GNA14: variants seen among roughly 807,000 people sequenced by gnomAD.
GNA14 encodes guanine nucleotide-binding protein subunit alpha-14.
In GNA14, 50 loss-of-function variants were observed where a neutral mutation model predicts 42.0. The ratio of observed to expected loss-of-function variants is 1.19; its 90% CI spans 0.95 to 1.51. GNA14 has a LOEUF of 1.51. Ranked by LOEUF, GNA14 falls within the 40% of genes most tolerant of loss-of-function variation. The pLI is 0.00. For missense variants in GNA14, 473 were observed against 446.2 expected (o/e 1.06, Z -0.54); for synonymous variants, 173 against 163.1 (o/e 1.06, Z -0.46).
At chr9:77,437,003 G>A (rs552924292) in intron 2 of GNA14, among the ~76,000 whole-genome samples, 18 of 152,292 alleles carry the variant, frequency 1.2e-4, no homozygotes, top group Admixed American at 4.6e-4. Context: ...CTCAGGCAAC[G>A]CTTGGCCAAT....
At chr9:77,560,389 A>C (rs1300466801) in intron 1 of GNA14, among the ~76,000 whole-genome samples, 1 of 150,784 alleles carries the variant, frequency 6.6e-6, no homozygotes, top group Non-Finnish European at 1.5e-5. Flanking sequence ...CCCAGGCTTA[A>C]GTGATCCTCC....
Position 77,647,837 on chromosome 9 carries a change from C to G in GNA14, c.-44G>C. On this transcript the variant is annotated 5_prime_UTR_variant, in exon 1 of 7. Transcript: ENST00000341700. ...CCCGACGGGGCGACGCGGCCCCGGG[C>G]ACCCGAATCCTCGGCCCGGCCGCTC... 3 of 1,583,720 alleles carry G rather than the reference C, an allele frequency of 1.9e-6. No individual in the cohort carries two copies. The highest frequency in any genetic ancestry group is 2.6e-6 in the Non-Finnish European group (3 of 1,169,632).
intron 2 of GNA14, among the ~76,000 whole-genome samples, chr9:77,472,408 C>T (rs1283166087): frequency 1.3e-5 from 2 of 151,954 alleles, no homozygotes; most frequent in Non-Finnish European, 1.5e-5. Context: ...AAGAAATGTC[C>T]TGGAGGTTCT....
chr9:77,552,930 A>G (rs1019763825), intron 1 of GNA14, among the ~76,000 whole-genome samples: 6 of 152,210 alleles, frequency 3.9e-5, no homozygotes, highest in African/African-American at 1.4e-4. Context: ...TGCCAGGAGA[A>G]AAGTGAACAT....
At chr9:77,486,046 T>C (rs529971174) in intron 2 of GNA14, among the ~76,000 whole-genome samples, 2 of 152,326 alleles carry the variant, frequency 1.3e-5, no homozygotes, top group East Asian at 1.9e-4. Flanking sequence ...AACCCAGGCA[T>C]TGACTTCTCT....
At chr9:77,581,032 ACACAC>A (rs1419316091) in intron 1 of GNA14, among the ~76,000 whole-genome samples, 1 of 150,766 alleles carries the variant, frequency 6.6e-6, no homozygotes, top group Non-Finnish European at 1.5e-5. Flanking sequence ...ACACACACAC[ACACAC>A]AATAGTACCC....
intron 1 of GNA14, among the ~76,000 whole-genome samples, chr9:77,647,281 G>A (rs1294351625): frequency 6.6e-6 from 1 of 152,204 alleles, no homozygotes; most frequent in African/African-American, 2.4e-5. Flanking sequence ...AACTGAAAGC[G>A]TACGGGTCAG....
chr9:77,478,817 T>G (rs537693631), intron 2 of GNA14, among the ~76,000 whole-genome samples: 102 of 152,332 alleles, frequency 6.7e-4, no homozygotes, highest in African/African-American at 2.2e-3. Flanking sequence ...TTGGCTGCAT[T>G]AATGTCTTTT....
intron 3 of GNA14, among the ~76,000 whole-genome samples, chr9:77,433,499 G>A (rs1051883254): frequency 4.0e-5 from 6 of 151,686 alleles, no homozygotes; most frequent in South Asian, 2.1e-4. Flanking sequence ...ACATCCTCCC[G>A]CCTCAGCCTC....
At chr9:77,582,073 A>G (rs910639436) in intron 1 of GNA14, among the ~76,000 whole-genome samples, 2 of 152,064 alleles carry the variant, frequency 1.3e-5, no homozygotes, top group East Asian at 1.9e-4. Flanking sequence ...TTTTTTCTCC[A>G]TTTTCATTTT....
intron 2 of GNA14, among the ~76,000 whole-genome samples, chr9:77,447,051 C>G (rs1400717248): frequency 1.3e-5 from 2 of 151,800 alleles, no homozygotes; most frequent in Non-Finnish European, 2.9e-5. Flanking sequence ...GCAACCTCTG[C>G]CTCCCGGGTT....
rs147709559 is a variant in GNA14, at chr9:77,529,198, C to T, written c.180G>A (p.Gly60=). ...TTCTGTCTTCGTCGCTGTAACCAGA[C>T]CCATGGATAATTCTCATCTGCTTGA... The part of the protein sequence containing the change: ...TFIKQMRIIH[G]SGYSDEDRKG... The change falls in exon 2 of 7, where the codon GGG becomes GGA. Residue 60 remains glycine (G), a synonymous_variant. Coordinates refer to ENST00000341700, the MANE Select transcript of GNA14 (RefSeq NM_004297.4). 468 of 1,613,972 alleles carry T rather than the reference C, an allele frequency of 2.9e-4. No homozygotes were observed. In the Admixed American group the frequency reaches 3.2e-3, roughly 11 times the overall value.
rs144382711 is a variant in GNA14, at chr9:77,451,111, C to T, written c.310-16589G>A. ...GTATAGTGTGACCATAAGAATGTGACGGCCCTATGGGGAACATACGTGTGT... is the reference window on the plus strand; with the variant it reads ...GTATAGTGTGACCATAAGAATGTGATGGCCCTATGGGGAACATACGTGTGT... On this transcript the variant is annotated intron_variant, in intron 2 of 6. Coordinates refer to ENST00000341700, the MANE Select transcript of GNA14 (RefSeq NM_004297.4). 5.3e-3 allele frequency among the ~76,000 whole-genome samples: 811 copies of T among 152,206 alleles called. 9 individuals carry two copies. Among genetic ancestry groups the T allele is most frequent in the African/African-American group, 0.018 (760 of 41,504 alleles).
At chr9:77,499,304 A>AAATC (rs1363074346) in intron 2 of GNA14, among the ~76,000 whole-genome samples, 1 of 152,152 alleles carries the variant, frequency 6.6e-6, no homozygotes, top group East Asian at 1.9e-4. Flanking sequence ...TAACAGCAGA[A>AAATC]TGATTAAGAA....
intron 1 of GNA14, among the ~76,000 whole-genome samples, chr9:77,564,272 C>T (rs1458839636): frequency 1.4e-5 from 2 of 144,192 alleles, no homozygotes; most frequent in African/African-American, 2.5e-5. Context: ...AATTGATCTG[C>T]AGAAAAGTCC....
At chr9:77,513,856 G>A (rs770689404) in intron 2 of GNA14, among the ~76,000 whole-genome samples, 2 of 152,142 alleles carry the variant, frequency 1.3e-5, no homozygotes, top group Non-Finnish European at 2.9e-5. Flanking sequence ...TTTGCTGTTT[G>A]GTCTTATCCT....
At chr9:77,634,066 C>G (rs1824139747) in intron 1 of GNA14, among the ~76,000 whole-genome samples, 8 of 152,148 alleles carry the variant, frequency 5.3e-5, no homozygotes, top group Admixed American at 5.2e-4. Context: ...ACAAATTTCT[C>G]AACTGTAGTT....
chr9:77,600,424 C>G (rs1449698070), intron 1 of GNA14, among the ~76,000 whole-genome samples: 1 of 152,138 alleles, frequency 6.6e-6, no homozygotes, highest in African/African-American at 2.4e-5. Flanking sequence ...TGCTACCTGG[C>G]GTACACAGGT....
intron 1 of GNA14, among the ~76,000 whole-genome samples, chr9:77,535,212 T>C (rs1837579300): frequency 6.6e-6 from 1 of 152,198 alleles, no homozygotes; most frequent in Non-Finnish European, 1.5e-5. Flanking sequence ...TTTCTGCACC[T>C]GTGTGTACTG....
Sources: allele counts gnomAD v4.1 joint callset (sites outside exome capture counted in the v4.1 genomes callset), GRCh38; gene constraint gnomAD v4.1.1; transcripts MANE v1.5; gene names NCBI Gene and HGNC (gene_info 2026-07-23, HGNC 2026-07-21).